Variants in WDR64 observed in about 807,000 individuals in gnomAD.
The protein encoded by WDR64 is WD repeat domain 64.
A neutral mutation model predicts 139.3 loss-of-function variants in WDR64; 112 were observed. The observed-to-expected ratio is 0.80, with a 90% CI of 0.69 to 0.94. The LOEUF is 0.94. WDR64 is among the 40% of genes least tolerant of loss of function. The pLI is 0.00. For synonymous variants in WDR64, 444 were observed against 437.7 expected, an observed-to-expected ratio of 1.01 and a Z score of -0.18; for missense variants, 1,206 against 1,293.1, an observed-to-expected ratio of 0.93 and a Z score of 1.03.
At chr1:241,697,777 T>C (rs1221947851) in intron 8 of WDR64, among the ~76,000 whole-genome samples, 3 of 152,206 alleles carry the variant, frequency 2.0e-5, no homozygotes, top group Non-Finnish European at 2.9e-5. Context: ...TAATTCTCTC[T>C]AATGTAGCTT....
chr1:241,735,681 T>C (rs1015425025), intron 10 of WDR64, among the ~76,000 whole-genome samples: 2 of 151,850 alleles, frequency 1.3e-5, no homozygotes, highest in Non-Finnish European at 2.9e-5. Flanking sequence ...ATTACAGGCG[T>C]GCACCATCAT....
chr1:241,669,492 T>C (rs1458545037), intron 2 of WDR64, among the ~76,000 whole-genome samples: 1 of 152,254 alleles, frequency 6.6e-6, no homozygotes, highest in Non-Finnish European at 1.5e-5. Flanking sequence ...GAGGGTTTTG[T>C]ACCCATAAAA....
At position 241,749,678 on chromosome 1, in the gene WDR64, C is replaced by A; in HGVS notation, c.1726C>A (p.Leu576Met). 1 of 1,614,128 alleles carries A rather than the reference C, an allele frequency of 6.2e-7. No homozygotes were observed. Among genetic ancestry groups the A allele is most frequent in the Non-Finnish European group, 8.5e-7 (1 of 1,180,002 alleles). ...FLKAQEKHQQLVLALERNGTI... is the reference protein window; with the variant it reads ...FLKAQEKHQQMVLALERNGTI... The stretch of plus-strand genomic sequence containing the variant: ...CAAAGCCCAAGAAAAACACCAGCAG[C>A]TGGTCCTGGCCTTGGAGCGCAACGG... Residue 576 changes from leucine to methionine, a missense_variant, in exon 14 of 28, where the codon CTG becomes ATG. Coordinates refer to ENST00000437684, the MANE Select transcript of WDR64 (RefSeq NM_001367482.1).
chr1:241,728,390 T>A (rs1668935586), intron 10 of WDR64, among the ~76,000 whole-genome samples: 1 of 144,722 alleles, frequency 6.9e-6, no homozygotes, highest in African/African-American at 2.6e-5. Flanking sequence ...TTTGGTTTTT[T>A]TATTGAAGCT....
chr1:241,796,287 C>T lies in WDR64; in HGVS notation c.3109C>T (p.Pro1037Ser), dbSNP rs549316639. Residue 1037 changes from proline to serine, a missense_variant, in exon 27 of 28, where the codon CCA (proline) becomes TCA (serine). Physicochemically the swap from Pro to Ser is moderately conservative, Grantham distance 74 (BLOSUM62 -1). Coordinates refer to ENST00000437684, the MANE Select transcript of WDR64 (RefSeq NM_001367482.1). ...AAGCCCCACTAGTCTAAGATTTCTT[C>T]CACTGATTGGCGTAGAAGCCCAAAA... is the stretch of plus-strand genomic sequence containing the variant. ...ISSPTSLRFL[P>S]LIGVEAQKDS... 6.2e-7 allele frequency: 1 copy of T among 1,613,428 alleles called. No homozygotes were observed. Among genetic ancestry groups the T allele is most frequent in the African/African-American group, 1.3e-5 (1 of 74,810 alleles).
chr1:241,717,608 A>T (rs986978484), intron 9 of WDR64, among the ~76,000 whole-genome samples: 2 of 144,734 alleles, frequency 1.4e-5, no homozygotes, highest in Non-Finnish European at 3.0e-5. Flanking sequence ...CTGGCTTCAC[A>T]CACGCAGAAA....
At chr1:241,795,389 C>A in intron 26 of WDR64, 102 bp downstream of exon 26, 1 of 1,050,648 alleles carries the variant, frequency 9.5e-7, no homozygotes, top group South Asian at 1.5e-5. Flanking sequence ...GAAAATCATA[C>A]AGTCAGTTGG....
chr1:241,782,310 G>C (rs1210775555), intron 22 of WDR64, among the ~76,000 whole-genome samples: 1 of 152,060 alleles, frequency 6.6e-6, no homozygotes, highest in African/African-American at 2.4e-5. Context: ...AGAACTAGGA[G>C]TCCAGATTTT....
At chr1:241,721,778 C>A (rs1668620914) in intron 9 of WDR64, among the ~76,000 whole-genome samples, 1 of 151,962 alleles carries the variant, frequency 6.6e-6, no homozygotes, top group African/African-American at 2.4e-5. Flanking sequence ...AGTTTTTATT[C>A]TTTTTGGAAA....
chr1:241,670,274 A>G (rs1213712848), intron 2 of WDR64, among the ~76,000 whole-genome samples: 2 of 152,054 alleles, frequency 1.3e-5, no homozygotes, highest in African/African-American at 4.8e-5. Context: ...ATGCCTACAG[A>G]GTAGGATTTG....
chr1:241,797,377 T>TA (rs1326000743), intron 27 of WDR64, among the ~76,000 whole-genome samples: 1 of 152,202 alleles, frequency 6.6e-6, no homozygotes, highest in Admixed American at 6.5e-5. Context: ...CTCAGGGGCC[T>TA]AACTTAACCT....
At chr1:241,705,939 G>C (rs748075793) in intron 8 of WDR64, among the ~76,000 whole-genome samples, 1 of 151,978 alleles carries the variant, frequency 6.6e-6, no homozygotes, top group Non-Finnish European at 1.5e-5. Flanking sequence ...TGACTTTCCC[G>C]GCCCTGGGCA....
At position 241,771,969 on chromosome 1, in the gene WDR64, T is replaced by C. The variant is rs1488469576; in HGVS notation, c.2290+272T>C. On this transcript the variant is annotated intron_variant, in intron 19 of 27. Transcript: ENST00000437684. ...ACATATATATATATATATATATATA[T>C]ATATATATATATATATATATTCTTT... Among the ~76,000 whole-genome samples the C allele has an allele frequency of 1.8e-4, 22 of 125,666 alleles. 1 individual carries two copies. Among genetic ancestry groups the C allele is most frequent in the South Asian group, 4.7e-4 (2 of 4,230 alleles). The allele number at this position is 125,666 out of a possible 152,430, so 82.4% of individuals were successfully genotyped here. A position where few individuals can be genotyped will look rare whatever the true frequency, so the allele number is the denominator to read the frequency against.
chr1:241,717,731 T>C (rs1209589504), intron 9 of WDR64, among the ~76,000 whole-genome samples: 8 of 152,208 alleles, frequency 5.3e-5, no homozygotes, highest in Non-Finnish European at 1.0e-4. Context: ...ACATACTCTT[T>C]ACAAATAGTT....
intron 8 of WDR64, among the ~76,000 whole-genome samples, chr1:241,696,113 C>CAAAAAAAAAAAAAAAAAAAAAAAAA (rs541301982): frequency 9.0e-5 from 2 of 22,326 alleles, no homozygotes; most frequent in African/African-American, 2.8e-4. Context: ...GACCCAGTAT[C>CAAAAAAAAAAAAAAAAAAAAAAAAA]AAAAAAAAAA....
chr1:241,763,712 A>C (rs559287394), intron 15 of WDR64, among the ~76,000 whole-genome samples: 1 of 152,284 alleles, frequency 6.6e-6, no homozygotes, highest in Admixed American at 6.5e-5. Flanking sequence ...CTCAAAGAAA[A>C]GTTTGCAAAA....
Position 241,723,305 on chromosome 1 carries a change from A to G in WDR64, c.1063A>G (p.Lys355Glu). The G allele has an allele frequency of 6.2e-7, 1 of 1,613,898 alleles. No homozygotes were observed. The highest frequency in any genetic ancestry group is 1.7e-5 in the Admixed American group (1 of 59,990). The change falls in exon 10 of 28, where the codon AAG becomes GAG. Residue 355 changes from lysine to glutamate, a missense_variant. Transcript: ENST00000437684. ...CCTGTCCTCCTTTTCAGGAGATGAT[A>G]AGGTCATCCGGTTGTGGCACCCCAA... ...ANVIVTGGDD[K>E]VIRLWHPNIS...
chr1:241,738,298 C>A, intron 10 of WDR64, 65 bp from the exon 11 acceptor site: 2 of 1,554,052 alleles, frequency 1.3e-6, no homozygotes, highest in Non-Finnish European at 1.7e-6. Flanking sequence ...AAATGCTTCA[C>A]CTAAATATCT....
intron 13 of WDR64, among the ~76,000 whole-genome samples, chr1:241,747,133 C>T (rs1669791540): frequency 6.6e-6 from 1 of 152,164 alleles, no homozygotes; most frequent in Non-Finnish European, 1.5e-5. Context: ...AACAGAACAG[C>T]TTAGTGATTA....
Sources: allele counts gnomAD v4.1 joint callset (sites outside exome capture counted in the v4.1 genomes callset), GRCh38; gene constraint gnomAD v4.1.1; transcripts MANE v1.5; gene names NCBI Gene and HGNC (gene_info 2026-07-23, HGNC 2026-07-21).